Variants in PDZD2 observed in about 807,000 individuals in gnomAD.
PDZD2 encodes the protein PDZ domain-containing protein 2.
A neutral mutation model predicts 220.7 loss-of-function variants in PDZD2; 90 were observed. That is an observed-to-expected ratio of 0.41 (90% CI 0.34 to 0.49). The LOEUF (loss-of-function observed/expected upper bound fraction) is 0.49, where lower values mean the gene tolerates loss of function less well. PDZD2 is among the 20% of genes least tolerant of loss of function. The pLI is 0.28. For synonymous variants in PDZD2, 1,375 were observed against 1,450.5 expected (o/e 0.95, Z 1.18); for missense variants, 3,174 against 3,608.5 (o/e 0.88, Z 3.08).
chr5:31,802,668 C>T (rs1269487184), intron 2 of PDZD2, among the ~76,000 whole-genome samples: 1 of 152,148 alleles, frequency 6.6e-6, no homozygotes, highest in Non-Finnish European at 1.5e-5. Context: ...CGCCTGTAAT[C>T]CCAGCACTTT....
intron 2 of PDZD2, among the ~76,000 whole-genome samples, chr5:31,881,362 GTGTGTGTA>G (rs1247592166): frequency 1.3e-3 from 155 of 123,932 alleles, no homozygotes; most frequent in African/African-American, 2.0e-3. Context: ...GTGTGTGTGT[GTGTGTGTA>G]TATATTTTTT....
In PDZD2 at chr5:32,065,486, C is replaced by T. The variant is rs576152608; in HGVS notation, c.2452-4083C>T. On this transcript the variant is annotated intron_variant, in intron 14 of 24. Coordinates refer to ENST00000438447, the MANE Select transcript of PDZD2 (RefSeq NM_178140.4). ...TGTGGGTCCCTCTATGTGCCATATC[C>T]GAGATTTCTTGGTGGCATCAATTTA... Among the ~76,000 whole-genome samples, 38 of 152,192 alleles carry T rather than the reference C, an allele frequency of 2.5e-4. No individual in the cohort carries two copies. The South Asian group carries it at 5.0e-3, about 20-fold the overall frequency.
At chr5:32,039,371 T>C (rs994212347) in intron 7 of PDZD2, among the ~76,000 whole-genome samples, 3 of 151,872 alleles carry the variant, frequency 2.0e-5, no homozygotes, top group Non-Finnish European at 4.4e-5. Context: ...CCTCCCCAGG[T>C]GCTGGGATTG....
chr5:31,928,479 G>T (rs955583977), intron 2 of PDZD2, among the ~76,000 whole-genome samples: 1 of 148,522 alleles, frequency 6.7e-6, no homozygotes, highest in Non-Finnish European at 1.5e-5. Flanking sequence ...AAATTACAAA[G>T]AATTTTTTTT....
At chr5:31,896,652 G>C (rs564606532) in intron 2 of PDZD2, among the ~76,000 whole-genome samples, 1 of 152,192 alleles carries the variant, frequency 6.6e-6, no homozygotes, top group Non-Finnish European at 1.5e-5. Flanking sequence ...AAAATTGTGT[G>C]TGTTACAATA....
At chr5:31,797,094 ATTTT>A (rs756548601) in intron 1 of PDZD2, among the ~76,000 whole-genome samples, 3,918 of 66,286 alleles carry the variant, frequency 0.059, 115 homozygotes, top group South Asian at 0.15. Context: ...CACCCAGCTA[ATTTT>A]TTTTTTTTTT....
intron 1 of PDZD2, among the ~76,000 whole-genome samples, chr5:31,749,136 A>AG (rs1750778985): frequency 6.6e-6 from 1 of 152,156 alleles, no homozygotes; most frequent in African/African-American, 2.4e-5. Context: ...CAATACTGTG[A>AG]GGTAGGGCTT....
chr5:31,986,076 C>CAAAAAA (rs55659088), intron 3 of PDZD2, among the ~76,000 whole-genome samples: 1 of 102,724 alleles, frequency 9.7e-6, no homozygotes, highest in Non-Finnish European at 1.9e-5. Context: ...ACTCTTGTCT[C>CAAAAAA]AAAAAAAAAA....
intron 1 of PDZD2, among the ~76,000 whole-genome samples, chr5:31,682,203 A>G (rs1369466314): frequency 6.6e-6 from 1 of 152,048 alleles, no homozygotes; most frequent in Non-Finnish European, 1.5e-5. Flanking sequence ...GGAGGGGGAG[A>G]GCTACTACAC....
intron 1 of PDZD2, among the ~76,000 whole-genome samples, chr5:31,665,624 A>C (rs1302276940): frequency 7.8e-6 from 1 of 128,378 alleles, no homozygotes. Context: ...GATGGTTTAA[A>C]AGTGTTTGGA....
At chr5:32,105,013 T>C in intron 24 of PDZD2, among the ~76,000 whole-genome samples, 1 of 151,882 alleles carries the variant, frequency 6.6e-6, no homozygotes, top group Non-Finnish European at 1.5e-5. Flanking sequence ...CACGCACCTA[T>C]AGTCCCAGCT....
intron 6 of PDZD2, among the ~76,000 whole-genome samples, chr5:32,012,376 A>T (rs956731604): frequency 2.6e-5 from 4 of 152,062 alleles, no homozygotes; most frequent in Admixed American, 6.6e-5. Flanking sequence ...CATATTTTTT[A>T]AAAAATTATT....
intron 1 of PDZD2, among the ~76,000 whole-genome samples, chr5:31,721,995 G>T (rs1748831916): frequency 6.6e-6 from 1 of 151,830 alleles, no homozygotes; most frequent in African/African-American, 2.4e-5. Flanking sequence ...CACCCCACAA[G>T]CTATCCATCA....
At position 31,915,575 on chromosome 5, in the gene PDZD2, C is replaced by T. The variant is rs137959997; in HGVS notation, c.477-67580C>T. 2.6e-5 allele frequency among the ~76,000 whole-genome samples: 4 copies of T among 152,292 alleles called. No homozygotes were observed. The East Asian group carries it at 5.8e-4, about 22-fold the overall frequency. On this transcript the variant is annotated intron_variant, in intron 2 of 24. Coordinates refer to ENST00000438447, the MANE Select transcript of PDZD2 (RefSeq NM_178140.4). ...GGTTTGGGAGAAAACACCCTGAAGG[C>T]GGGCAAGCTTACCATTTGCTCTATA...
chr5:31,659,604 GT>G (rs1745686006), intron 1 of PDZD2, among the ~76,000 whole-genome samples: 1 of 151,998 alleles, frequency 6.6e-6, no homozygotes, highest in Admixed American at 6.6e-5. Context: ...TACATGGGGA[GT>G]TTGCAACCAC....
At chr5:32,027,612 G>T (rs563931874) in intron 6 of PDZD2, among the ~76,000 whole-genome samples, 1 of 152,146 alleles carries the variant, frequency 6.6e-6, no homozygotes, top group Admixed American at 6.5e-5. Context: ...ACCAGAGCAC[G>T]CCCAGGGTTG....
intron 10 of PDZD2, 88 bp from the exon 11 acceptor site, chr5:32,057,567 A>G: frequency 1.3e-6 from 1 of 765,182 alleles, no homozygotes; most frequent in Non-Finnish European, 2.3e-6. Flanking sequence ...CAGGGACCAT[A>G]TGGTATCCCA....
intron 1 of PDZD2, among the ~76,000 whole-genome samples, chr5:31,656,563 C>T (rs1011617473): frequency 3.3e-5 from 5 of 152,078 alleles, no homozygotes; most frequent in South Asian, 2.1e-4. Context: ...GCACCATTGC[C>T]GAGGGGAAGG....
chr5:32,003,092 CCA>C (rs373959151), intron 5 of PDZD2, among the ~76,000 whole-genome samples: 37 of 118,066 alleles, frequency 3.1e-4, no homozygotes, highest in African/African-American at 1.0e-3. Flanking sequence ...AACATACACT[CCA>C]CACACACACC....
Sources: gnomAD v4.1 joint callset for allele counts (sites outside exome capture counted in the v4.1 genomes callset) on GRCh38, gnomAD v4.1.1 for gene constraint, MANE v1.5 for transcripts, NCBI Gene and HGNC (gene_info 2026-07-23, HGNC 2026-07-21) for gene names.